The following GADL1 variants were observed in gnomAD, a reference collection of about 807,000 sequenced individuals.
The protein encoded by GADL1 is GAD like acidic amino acid decarboxylase 1.
In GADL1, 71 loss-of-function variants were observed where a neutral mutation model predicts 69.5. The ratio of observed to expected loss-of-function variants is 1.02; its 90% CI spans 0.84 to 1.25. GADL1 has a LOEUF of 1.25. GADL1 is among the 50% of genes most tolerant of loss of function. The pLI is 0.00. For missense variants in GADL1, 737 were observed against 631.8 expected (o/e 1.17, Z -1.79); for synonymous variants, 254 against 214.4 (o/e 1.18, Z -1.62).
chr3:30,782,061 G>C (rs1246385619), intron 13 of GADL1, among the ~76,000 whole-genome samples: 1 of 152,198 alleles, frequency 6.6e-6, no homozygotes, highest in Non-Finnish European at 1.5e-5. Context: ...GACACTTTCT[G>C]AACTTGGAAT....
At chr3:30,730,211 T>C (rs889957607) in intron 14 of GADL1, among the ~76,000 whole-genome samples, 1 of 152,160 alleles carries the variant, frequency 6.6e-6, no homozygotes, top group Non-Finnish European at 1.5e-5. Flanking sequence ...ACCCATGAAT[T>C]TGTATGCATT....
intron 2 of GADL1, 113 bp downstream of exon 2, chr3:30,861,480 G>A: frequency 1.4e-6 from 1 of 706,610 alleles, no homozygotes; most frequent in Non-Finnish European, 2.3e-6. Context: ...TGAGACAAAG[G>A]CATAGAAGAA....
chr3:30,815,998 A>G (rs1697461566), intron 11 of GADL1, among the ~76,000 whole-genome samples: 1 of 152,180 alleles, frequency 6.6e-6, no homozygotes, highest in African/African-American at 2.4e-5. Flanking sequence ...GGAAGGGGGA[A>G]TAGTCCCTAC....
At chr3:30,771,804 T>C (rs28541719) in intron 14 of GADL1, among the ~76,000 whole-genome samples, 36,097 of 152,164 alleles carry the variant, frequency 0.24, 7,631 homozygotes, top group African/African-American at 0.56. Context: ...TTTCAATTAA[T>C]TTGTGAACAT....
chr3:30,776,825 A>C (rs562853106), intron 14 of GADL1, among the ~76,000 whole-genome samples: 1 of 152,128 alleles, frequency 6.6e-6, no homozygotes, highest in South Asian at 2.1e-4. Context: ...CTCACCTCCC[A>C]TCACTGCTTC....
chr3:30,781,258 C>T (rs78160707), intron 13 of GADL1, among the ~76,000 whole-genome samples: 2,953 of 152,216 alleles, frequency 0.019, 51 homozygotes, highest in Non-Finnish European at 0.029. Context: ...AAAAAACATT[C>T]TAAAGTTCTT....
intron 14 of GADL1, among the ~76,000 whole-genome samples, chr3:30,753,521 GTGAT>G (rs1695886447): frequency 1.3e-5 from 2 of 151,554 alleles, no homozygotes; most frequent in African/African-American, 4.9e-5. Flanking sequence ...TTGTAGAAAG[GTGAT>G]TAATGAAAAA....
intron 12 of GADL1, among the ~76,000 whole-genome samples, chr3:30,792,954 AAG>A (rs921169089): frequency 6.6e-6 from 1 of 152,200 alleles, no homozygotes; most frequent in Non-Finnish European, 1.5e-5. Flanking sequence ...TTCTACAGGC[AAG>A]AGAGAATGGT....
intron 1 of GADL1, among the ~76,000 whole-genome samples, chr3:30,894,188 C>T (rs1698821707): frequency 6.6e-6 from 1 of 152,168 alleles, no homozygotes; most frequent in South Asian, 2.1e-4. Context: ...TAGCTGGCTG[C>T]AGGTGAAAGG....
chr3:30,835,350 G>A (rs1381465874), intron 9 of GADL1, among the ~76,000 whole-genome samples: 1 of 152,042 alleles, frequency 6.6e-6, no homozygotes, highest in Non-Finnish European at 1.5e-5. Flanking sequence ...TTTGGCTATG[G>A]AATTTAAAGG....
chr3:30,782,231 T>C lies in GADL1; in HGVS notation c.1303-3963A>G, dbSNP rs1696680982. ...TTCACTATAGGAAATAGATCTCATC[T>C]TTGAAAAGCTGCTCTAGCAGCAGTG... On this transcript the variant is annotated intron_variant, in intron 13 of 14. Coordinates refer to ENST00000282538, the MANE Select transcript of GADL1 (RefSeq NM_207359.3). 2.6e-5 allele frequency among the ~76,000 whole-genome samples: 4 copies of C among 152,244 alleles called. No homozygotes were observed. The South Asian group carries it at 8.3e-4, about 32-fold the overall frequency.
chr3:30,801,137 T>G (rs1464689021), intron 11 of GADL1, 49 bp from the exon 12 acceptor site: 2 of 1,464,026 alleles, frequency 1.4e-6, no homozygotes, highest in Non-Finnish European at 1.9e-6. Flanking sequence ...GAATATAACT[T>G]GATTTTGAAA....
intron 14 of GADL1, among the ~76,000 whole-genome samples, chr3:30,732,881 A>G (rs1364515807): frequency 6.6e-6 from 1 of 152,132 alleles, no homozygotes; most frequent in Non-Finnish European, 1.5e-5. Context: ...AAAATGGTGA[A>G]ATCTGTCTCT....
intron 5 of GADL1, 48 bp downstream of exon 5, chr3:30,850,787 T>G: frequency 9.0e-7 from 1 of 1,112,458 alleles, no homozygotes; most frequent in Non-Finnish European, 1.3e-6. Context: ...GGATAAATTT[T>G]TACGTGGTTG....
intron 11 of GADL1, among the ~76,000 whole-genome samples, chr3:30,816,545 T>A: frequency 1.4e-5 from 1 of 73,834 alleles, no homozygotes; most frequent in Admixed American, 1.2e-4. Flanking sequence ...TTTTTTTTTT[T>A]TTTTTTTTTT....
At chr3:30,817,293 A>C (rs565758796) in intron 11 of GADL1, among the ~76,000 whole-genome samples, 1 of 152,312 alleles carries the variant, frequency 6.6e-6, no homozygotes, top group South Asian at 2.1e-4. Context: ...GTTCATACTA[A>C]TTTTATTGTT....
At chr3:30,778,305 G>T (rs1696585934) in intron 13 of GADL1, 37 bp from the exon 14 acceptor site, 1 of 1,292,600 alleles carries the variant, frequency 7.7e-7, no homozygotes, top group East Asian at 2.3e-5. Flanking sequence ...GTTATCTTAA[G>T]ATTTATCTTA....
At chr3:30,757,833 C>CT (rs1270829764) in intron 14 of GADL1, among the ~76,000 whole-genome samples, 1 of 152,182 alleles carries the variant, frequency 6.6e-6, no homozygotes, top group Non-Finnish European at 1.5e-5. Context: ...CCAGAATACA[C>CT]TAATAGCAAA....
chr3:30,787,431 T>G (rs1696820891), intron 12 of GADL1, among the ~76,000 whole-genome samples: 1 of 152,172 alleles, frequency 6.6e-6, no homozygotes, highest in Non-Finnish European at 1.5e-5. Flanking sequence ...AAAAGAGAAG[T>G]CTGAAATGGC....
Sources: gnomAD v4.1 joint callset for allele counts (sites outside exome capture counted in the v4.1 genomes callset) on GRCh38, gnomAD v4.1.1 for gene constraint, MANE v1.5 for transcripts, NCBI Gene and HGNC (gene_info 2026-07-23, HGNC 2026-07-21) for gene names.